The following KREMEN1 variants were observed in gnomAD, a reference collection of about 807,000 sequenced individuals.
KREMEN1 encodes kremen protein 1.
KREMEN1 carries 30 observed loss-of-function variants against 46.5 expected under a neutral mutation model. That is an observed-to-expected ratio of 0.65 (90% CI 0.48 to 0.88). The LOEUF (loss-of-function observed/expected upper bound fraction) is 0.88. Ranked by LOEUF, KREMEN1 falls within the 40% of genes least tolerant of loss-of-function variation. The probability of loss-of-function intolerance (pLI) is 0.00; values close to 1 mark genes in which losing one functional copy is unlikely to be tolerated. For missense variants in KREMEN1, 533 were observed against 596.9 expected, an observed-to-expected ratio of 0.89 and a Z score of 1.11; for synonymous variants, 214 against 230.6, an observed-to-expected ratio of 0.93 and a Z score of 0.65.
At chr22:29,117,525 C>T (rs2038261996) in intron 3 of KREMEN1, among the ~76,000 whole-genome samples, 1 of 151,504 alleles carries the variant, frequency 6.6e-6, no homozygotes. Flanking sequence ...CAAGATGGCA[C>T]CACTGCACTC....
At chr22:29,090,669 G>A (rs1446616075) in intron 1 of KREMEN1, among the ~76,000 whole-genome samples, 2 of 152,140 alleles carry the variant, frequency 1.3e-5, no homozygotes, top group Non-Finnish European at 2.9e-5. Flanking sequence ...AAAAAAATAA[G>A]GGAGGTAGGG....
chr22:29,135,031 T>TTCC (rs2038634241), intron 5 of KREMEN1, among the ~76,000 whole-genome samples: 1 of 152,206 alleles, frequency 6.6e-6, no homozygotes, highest in Admixed American at 6.5e-5. Flanking sequence ...GCCACCAGCC[T>TTCC]GAGGTCTTTT....
At chr22:29,114,830 A>G (rs1474513745) in intron 3 of KREMEN1, among the ~76,000 whole-genome samples, 3 of 152,242 alleles carry the variant, frequency 2.0e-5, no homozygotes, top group African/African-American at 7.2e-5. Context: ...AGAAATATTT[A>G]AAGAGTAGGC....
chr22:29,126,279 C>A (rs1038407495), intron 5 of KREMEN1, among the ~76,000 whole-genome samples: 1 of 152,192 alleles, frequency 6.6e-6, no homozygotes, highest in Non-Finnish European at 1.5e-5. Flanking sequence ...ACTGCCATAA[C>A]AGATTATCAC....
chr22:29,151,165 A>G (rs1340565426), downstream of KREMEN1, among the ~76,000 whole-genome samples: 1 of 152,130 alleles, frequency 6.6e-6, no homozygotes, highest in Non-Finnish European at 1.5e-5. Flanking sequence ...TCCCTGCAAA[A>G]AAGACCCCAT....
chr22:29,153,954 G>A (rs1222127507), intron 9 of KREMEN1, among the ~76,000 whole-genome samples: 2 of 140,242 alleles, frequency 1.4e-5, no homozygotes, highest in Non-Finnish European at 3.1e-5. Flanking sequence ...CCTGGGTAAC[G>A]GCAAGACTTC....
chr22:29,076,132 T>C (rs2037566096), intron 1 of KREMEN1, among the ~76,000 whole-genome samples: 1 of 152,226 alleles, frequency 6.6e-6, no homozygotes, highest in Non-Finnish European at 1.5e-5. Flanking sequence ...TTATGGAATT[T>C]ATGGTCTACT....
chr22:29,130,307 A>G (rs910871320), intron 5 of KREMEN1, among the ~76,000 whole-genome samples: 1 of 152,208 alleles, frequency 6.6e-6, no homozygotes, highest in Non-Finnish European at 1.5e-5. Flanking sequence ...TGATTGGTCT[A>G]AGGATGGGTA....
chr22:29,115,762 G>A (rs531914555), intron 3 of KREMEN1, among the ~76,000 whole-genome samples: 2 of 152,332 alleles, frequency 1.3e-5, no homozygotes, highest in African/African-American at 4.8e-5. Context: ...GGCTTCCCAG[G>A]GGAAATGATG....
chr22:29,108,201 C>T (rs190551606), intron 3 of KREMEN1, among the ~76,000 whole-genome samples: 20 of 152,342 alleles, frequency 1.3e-4, no homozygotes, highest in East Asian at 1.2e-3. Context: ...GCAGGAGAAT[C>T]GCTTGAACCC....
In KREMEN1 at chr22:29,142,415, A is replaced by C; in HGVS notation, c.*303A>C. On this transcript the variant is annotated 3_prime_UTR_variant, in exon 9 of 9. Coordinates refer to ENST00000400335, the MANE Select transcript of KREMEN1 (RefSeq NM_001039570.3). Reference sequence around the variant, plus strand: ...GGGGTGTCAGGACAGTGAGGCTGAGATGACAGAGGTGGTCATGGCTGGCAC... The same window carrying C: ...GGGGTGTCAGGACAGTGAGGCTGAGCTGACAGAGGTGGTCATGGCTGGCAC... The C allele has an allele frequency of 1.8e-6, 2 of 1,086,438 alleles. No homozygotes were observed. The highest frequency in any genetic ancestry group is 2.2e-6 in the Non-Finnish European group (2 of 895,782). 67.3% of individuals were successfully genotyped at this position (1,086,438 alleles called of 1,614,324 possible). A position where few individuals can be genotyped will look rare whatever the true frequency, so the allele number is the denominator to read the frequency against.
intron 5 of KREMEN1, among the ~76,000 whole-genome samples, chr22:29,134,481 A>T (rs551064791): frequency 1.2e-4 from 18 of 152,294 alleles, no homozygotes; most frequent in Admixed American, 3.3e-4. Flanking sequence ...TACCGTATTC[A>T]TCATGTAGTC....
intron 3 of KREMEN1, chr22:29,111,743 T>C (rs937468577): frequency 1.1e-4 from 17 of 149,818 alleles, no homozygotes; most frequent in Admixed American, 8.0e-4. Context: ...TTTTAAGACA[T>C]AGGACAAGAA....
At position 29,137,405 on chromosome 22, in the gene KREMEN1, TC is replaced by T; in HGVS notation, c.699del (p.Asp234ThrfsTer48). On this transcript the variant is annotated frameshift_variant, in exon 6 of 9. Coordinates refer to ENST00000400335, the MANE Select transcript of KREMEN1 (RefSeq NM_001039570.3). LOFTEE classifies it high-confidence loss of function. Reference sequence around the variant, plus strand: ...TCTTCTGTGGTCTATTCCCCTGACTTCCCCGACACCTATGCCACGGGGAGGG... The same window carrying T: ...TCTTCTGTGGTCTATTCCCCTGACTTCCCGACACCTATGCCACGGGGAGGG... ...AMSSVVYSPD[F>X]PDTYATGRVC... 2 of 1,567,898 alleles carry T rather than the reference TC, an allele frequency of 1.3e-6. No homozygotes were observed. The highest frequency in any genetic ancestry group is 1.7e-6 in the Non-Finnish European group (2 of 1,148,614).
At chr22:29,139,357 T>G (rs1476909531) in intron 7 of KREMEN1, among the ~76,000 whole-genome samples, 1 of 152,130 alleles carries the variant, frequency 6.6e-6, no homozygotes, top group African/African-American at 2.4e-5. Flanking sequence ...ACCCCAGCAC[T>G]TTGGGAGGCC....
Position 29,146,748 on chromosome 22 carries a change from T to C in KREMEN1, c.*4636T>C. 1 of 939,400 alleles carries C rather than the reference T, an allele frequency of 1.1e-6. No individual in the cohort carries two copies. Among genetic ancestry groups the C allele is most frequent in the Non-Finnish European group, 1.3e-6 (1 of 787,710 alleles). The allele number at this position is 939,400 out of a possible 1,614,324, so 58.2% of individuals were successfully genotyped here. On this transcript the variant is annotated 3_prime_UTR_variant, in exon 9 of 9. Coordinates refer to ENST00000400335, the MANE Select transcript of KREMEN1 (RefSeq NM_001039570.3). ...TATTTAAGAAAATGGAATGTAATGG[T>C]ACTTTTACAAACGAGAAAAAATGTT...
chr22:29,111,029 G>A (rs538735879), intron 3 of KREMEN1, among the ~76,000 whole-genome samples: 96 of 152,300 alleles, frequency 6.3e-4, no homozygotes, highest in Non-Finnish European at 1.0e-3. Flanking sequence ...TTGACACAGA[G>A]TTAAATGACA....
intron 9 of KREMEN1, among the ~76,000 whole-genome samples, chr22:29,165,418 A>C (rs1451526817): frequency 6.6e-6 from 1 of 151,804 alleles, no homozygotes; most frequent in Non-Finnish European, 1.5e-5. Context: ...AAAAAAAAGT[A>C]GTTCAGAAAT....
chr22:29,147,873 C>A (rs1324614048), downstream of KREMEN1, among the ~76,000 whole-genome samples: 3 of 152,238 alleles, frequency 2.0e-5, no homozygotes, highest in Non-Finnish European at 4.4e-5. Flanking sequence ...GGGTGAGTAA[C>A]ACGGCCCTGT....
Sources: gnomAD v4.1 joint callset for allele counts (sites outside exome capture counted in the v4.1 genomes callset) on GRCh38, gnomAD v4.1.1 for gene constraint, MANE v1.5 for transcripts, NCBI Gene and HGNC (gene_info 2026-07-23, HGNC 2026-07-21) for gene names.